GABRB2: variants seen among roughly 807,000 people sequenced by gnomAD.
GABRB2 encodes the protein gamma-aminobutyric acid receptor subunit beta-2.
GABRB2 carries 16 observed loss-of-function variants against 54.7 expected under a neutral mutation model. The observed-to-expected ratio is 0.29, with a 90% CI of 0.20 to 0.44. The LOEUF (loss-of-function observed/expected upper bound fraction) is 0.44, where lower values mean the gene tolerates loss of function less well. GABRB2 is among the 20% of genes least tolerant of loss of function. The pLI is 1.00. For synonymous variants in GABRB2, 244 were observed against 233.8 expected (o/e 1.04, Z -0.40); for missense variants, 355 against 644.0 (o/e 0.55, Z 4.86).
At chr5:161,372,624 C>T (rs1200426263) in intron 5 of GABRB2, among the ~76,000 whole-genome samples, 1 of 152,094 alleles carries the variant, frequency 6.6e-6, no homozygotes, top group African/African-American at 2.4e-5. Flanking sequence ...CTTCCCCTAT[C>T]AGTATTATTT....
At chr5:161,434,751 C>G (rs1477967183) in intron 4 of GABRB2, among the ~76,000 whole-genome samples, 1 of 152,178 alleles carries the variant, frequency 6.6e-6, no homozygotes, top group Non-Finnish European at 1.5e-5. Flanking sequence ...ACTTCCTCAT[C>G]TGATGGGACC....
chr5:161,340,792 T>C lies in GABRB2; in HGVS notation c.542-4023A>G, dbSNP rs371988593. ...TGTAAAACATATTTTATGTCCCATT[T>C]TGTGGTTATTAAGTGAATACATACA... On this transcript the variant is annotated intron_variant, in intron 5 of 9. Transcript: ENST00000393959. Among the ~76,000 whole-genome samples the C allele has an allele frequency of 9.9e-5, 15 of 152,174 alleles. No homozygotes were observed. In the South Asian group the frequency reaches 3.1e-3, roughly 32 times the overall value.
Position 161,336,569 on chromosome 5 carries a change from T to C in GABRB2, c.679+63A>G, listed in dbSNP as rs1429512129. 3.8e-6 allele frequency: 6 copies of C among 1,570,608 alleles called. No homozygotes were observed. The African/African-American group carries it at 6.8e-5, about 18-fold the overall frequency. On this transcript the variant is annotated intron_variant, in intron 6 of 9. Transcript: ENST00000393959. ...CCCTGGGACAGAACTCTAATATAAG[T>C]GAACATGTTTAACAAAATACGGTGA...
rs1757189500 is a variant in GABRB2 at position 161,289,816 on chromosome 5, T to G, written c.*4265A>C. The G allele has an allele frequency of 1.4e-5, 1 of 69,696 alleles. No homozygotes were observed. 4.3% of individuals were successfully genotyped at this position (69,696 alleles called of 1,614,324 possible). A position where few individuals can be genotyped will look rare whatever the true frequency, so the allele number is the denominator to read the frequency against. ...GTGTGTGTGTGTGTGTGTGTGTGACTGTGTGTGACTGTGTGTGTGATAGCA... is the reference window on the plus strand; with the variant it reads ...GTGTGTGTGTGTGTGTGTGTGTGACGGTGTGTGACTGTGTGTGTGATAGCA... On this transcript the variant is annotated 3_prime_UTR_variant, in exon 10 of 10. Transcript: ENST00000393959.
chr5:161,475,691 C>T (rs1758571545), intron 3 of GABRB2, among the ~76,000 whole-genome samples: 1 of 151,746 alleles, frequency 6.6e-6, no homozygotes, highest in East Asian at 1.9e-4. Context: ...ACTGCATTAA[C>T]AAAATTAAGA....
At chr5:161,295,844 A>C (rs1757366517) in intron 9 of GABRB2, among the ~76,000 whole-genome samples, 2 of 152,238 alleles carry the variant, frequency 1.3e-5, no homozygotes, top group African/African-American at 4.8e-5. Flanking sequence ...TAGAGGAAAC[A>C]CTAAACAAAT....
In GABRB2 at chr5:161,479,398, C is replaced by T. The variant is rs189588539; in HGVS notation, c.238-19554G>A. 9.4e-4 allele frequency among the ~76,000 whole-genome samples: 142 copies of T among 151,578 alleles called. 1 individual carries two copies. Among genetic ancestry groups the T allele is most frequent in the Non-Finnish European group, 1.8e-3 (123 of 67,654 alleles). Reference sequence around the variant, plus strand: ...TTTACACAGTACTTCTTACATTGTGCAACCTAATCAGCTCACTCTAGTCCT... The same window carrying T: ...TTTACACAGTACTTCTTACATTGTGTAACCTAATCAGCTCACTCTAGTCCT... On this transcript the variant is annotated intron_variant, in intron 3 of 9. Coordinates refer to ENST00000393959, the MANE Select transcript of GABRB2 (RefSeq NM_001371727.1).
intron 5 of GABRB2, among the ~76,000 whole-genome samples, chr5:161,359,107 T>G (rs941910950): frequency 1.3e-5 from 2 of 152,098 alleles, no homozygotes; most frequent in Non-Finnish European, 2.9e-5. Flanking sequence ...GTGACTGTCT[T>G]TTTTTGCATT....
chr5:161,486,663 C>T (rs1166148672), intron 3 of GABRB2, among the ~76,000 whole-genome samples: 6 of 151,780 alleles, frequency 4.0e-5, no homozygotes, highest in Non-Finnish European at 8.8e-5. Context: ...TTCATCATCT[C>T]GGTGACTTTC....
chr5:161,310,764 ATT>A (rs34428930), intron 9 of GABRB2, among the ~76,000 whole-genome samples: 12 of 139,082 alleles, frequency 8.6e-5, no homozygotes, highest in African/African-American at 1.1e-4. Flanking sequence ...ATGCTACAGC[ATT>A]TTTTTTTTTT....
At chr5:161,359,586 A>C (rs1271322379) in intron 5 of GABRB2, among the ~76,000 whole-genome samples, 1 of 152,084 alleles carries the variant, frequency 6.6e-6, no homozygotes, top group African/African-American at 2.4e-5. Context: ...TGATAACAAG[A>C]AGACTATTTT....
In GABRB2 at chr5:161,310,668, C is replaced by T. The variant is rs146550488; in HGVS notation, c.1191+15700G>A. ...GTGTACACACACATGCACACGCACG[C>T]GCACGCGCGCACACACACACACACA... On this transcript the variant is annotated intron_variant, in intron 9 of 9. Coordinates refer to ENST00000393959, the MANE Select transcript of GABRB2 (RefSeq NM_001371727.1). Among the ~76,000 whole-genome samples, 228 of 126,142 alleles carry T rather than the reference C, an allele frequency of 1.8e-3. 1 individual carries two copies. The highest frequency in any genetic ancestry group is 8.0e-3 in the African/African-American group (206 of 25,780). 82.8% of individuals were successfully genotyped at this position (126,142 alleles called of 152,430 possible).
rs13171254 is a variant in GABRB2, at chr5:161,305,796, C to T, written c.1192-11368G>A. 1.6e-3 allele frequency among the ~76,000 whole-genome samples: 237 copies of T among 152,290 alleles called. 2 individuals carry two copies. The highest frequency in any genetic ancestry group is 2.8e-3 in the Non-Finnish European group (191 of 68,022). On this transcript the variant is annotated intron_variant, in intron 9 of 9. Coordinates refer to ENST00000393959, the MANE Select transcript of GABRB2 (RefSeq NM_001371727.1). The stretch of plus-strand genomic sequence containing the variant: ...ACTGGAGACAGTCCAGTCAGTCAAC[C>T]ATTTCTAATGCACAGGAGTAAAGGC...
chr5:161,380,643 T>C (rs1350608535), intron 5 of GABRB2, among the ~76,000 whole-genome samples: 1 of 151,722 alleles, frequency 6.6e-6, no homozygotes, highest in African/African-American at 2.4e-5. Context: ...AAAAAAAAAA[T>C]CTGACGTTTT....
intron 3 of GABRB2, among the ~76,000 whole-genome samples, chr5:161,508,073 TATAA>T (rs889539899): frequency 3.9e-5 from 6 of 151,968 alleles, no homozygotes; most frequent in Non-Finnish European, 5.9e-5. Flanking sequence ...ACTGTTTAAA[TATAA>T]ATACTGTTTT....
intron 4 of GABRB2, among the ~76,000 whole-genome samples, chr5:161,435,803 G>A (rs1757290671): frequency 1.3e-5 from 2 of 152,030 alleles, no homozygotes; most frequent in Non-Finnish European, 2.9e-5. Context: ...TAGTAGACGT[G>A]GAACAGTAAT....
chr5:161,297,179 G>T (rs10079555), intron 9 of GABRB2, among the ~76,000 whole-genome samples: 2 of 151,924 alleles, frequency 1.3e-5, no homozygotes, highest in African/African-American at 4.8e-5. Context: ...GGTAGGGTGG[G>T]GAAGGTGAGG....
At chr5:161,360,913 T>C (rs1219519762) in intron 5 of GABRB2, among the ~76,000 whole-genome samples, 1 of 151,660 alleles carries the variant, frequency 6.6e-6, no homozygotes, top group African/African-American at 2.4e-5. Context: ...TGTTAAAGGA[T>C]ACTGCACCCT....
In GABRB2 at chr5:161,427,427, C is replaced by T. The variant is rs74897918; in HGVS notation, c.459-16370G>A. Among the ~76,000 whole-genome samples, 37 of 152,132 alleles carry T rather than the reference C, an allele frequency of 2.4e-4. No homozygotes were observed. In the East Asian group the frequency reaches 6.8e-3, roughly 28 times the overall value. ...CTGAGTAGATGGTAGATTTTCCTTT[C>T]TGGAGATGATGGGTAAAGAATAGGT... On this transcript the variant is annotated intron_variant, in intron 4 of 9. Coordinates refer to ENST00000393959, the MANE Select transcript of GABRB2 (RefSeq NM_001371727.1).
Sources: gnomAD v4.1 joint callset for allele counts (sites outside exome capture counted in the v4.1 genomes callset) on GRCh38, gnomAD v4.1.1 for gene constraint, MANE v1.5 for transcripts, NCBI Gene and HGNC (gene_info 2026-07-23, HGNC 2026-07-21) for gene names.